DAB1: variants seen among roughly 807,000 people sequenced by gnomAD.
The protein encoded by DAB1 is disabled homolog 1.
DAB1 carries 15 observed loss-of-function variants against 64.6 expected under a neutral mutation model. The ratio of observed to expected loss-of-function variants is 0.23; its 90% CI spans 0.16 to 0.36. The LOEUF (loss-of-function observed/expected upper bound fraction) is 0.36. Among genes scored for constraint, DAB1 ranks in the 10% least tolerant of loss-of-function variants. DAB1 has a pLI of 1.00. For synonymous variants in DAB1, 235 were observed against 251.9 expected (o/e 0.93, Z 0.64); for missense variants, 596 against 706.7 (o/e 0.84, Z 1.78).
intron 3 of DAB1, among the ~76,000 whole-genome samples, chr1:58,385,262 C>A (rs1644423686): frequency 6.6e-6 from 1 of 152,158 alleles, no homozygotes; most frequent in Non-Finnish European, 1.5e-5. Flanking sequence ...CATTATGCCT[C>A]AACAAAGCTA....
intron 7 of DAB1, among the ~76,000 whole-genome samples, chr1:57,580,351 A>C (rs1645298771): frequency 6.6e-6 from 1 of 152,094 alleles, no homozygotes; most frequent in Non-Finnish European, 1.5e-5. Context: ...CTGCCTTACC[A>C]GGCAGCCCCA....
chr1:57,058,728 G>A (rs185676860), intron 9 of DAB1, among the ~76,000 whole-genome samples: 30 of 152,320 alleles, frequency 2.0e-4, no homozygotes, highest in African/African-American at 5.1e-4. Context: ...ACCAAAGACC[G>A]AATAGAGCAA....
chr1:57,174,037 G>C (rs1569739756), intron 2 of DAB1, among the ~76,000 whole-genome samples: 2 of 152,126 alleles, frequency 1.3e-5, no homozygotes, highest in South Asian at 2.1e-4. Context: ...TGCCTGGCAG[G>C]AAACAGCTAC....
At chr1:57,693,543 C>A (rs1439587499) in intron 6 of DAB1, among the ~76,000 whole-genome samples, 1 of 152,084 alleles carries the variant, frequency 6.6e-6, no homozygotes, top group African/African-American at 2.4e-5. Context: ...GTGGGTGGGG[C>A]CAAATAAGGG....
rs182241606 is a variant in DAB1 at position 57,524,082 on chromosome 1, T to C, written n.625+125510A>G. Among the ~76,000 whole-genome samples the C allele has an allele frequency of 2.0e-5, 3 of 151,806 alleles. No homozygotes were observed. In the East Asian group the frequency reaches 5.8e-4, roughly 29 times the overall value. ...GGAAGAAACACCAAAGGCAAAGGAA[T>C]GGCAAGAGGAGAGAAAAGATTTTAA... On this transcript the variant is annotated intron_variant and non_coding_transcript_variant, in intron 7 of 20. Coordinates refer to the DAB1 transcript ENST00000485760.
At chr1:58,150,947 G>T (rs1382595630) in intron 4 of DAB1, among the ~76,000 whole-genome samples, 2 of 152,050 alleles carry the variant, frequency 1.3e-5, no homozygotes, top group African/African-American at 4.8e-5. Context: ...GCGGTATTTG[G>T]TTTTTTGTCC....
intron 2 of DAB1, among the ~76,000 whole-genome samples, chr1:57,263,884 A>T (rs2100566031): frequency 6.6e-6 from 1 of 152,214 alleles, no homozygotes; most frequent in African/African-American, 2.4e-5. Context: ...TGATGGTGAG[A>T]GTCTGACCCC....
intron 5 of DAB1, among the ~76,000 whole-genome samples, chr1:57,923,472 G>A (rs901228730): frequency 6.6e-6 from 1 of 152,100 alleles, no homozygotes; most frequent in Non-Finnish European, 1.5e-5. Context: ...CTGCAGTTAG[G>A]GTTGTAGTCC....
At chr1:58,043,112 T>C (rs1258394868) in intron 5 of DAB1, among the ~76,000 whole-genome samples, 1 of 152,164 alleles carries the variant, frequency 6.6e-6, no homozygotes. Context: ...ATCACCAAAA[T>C]GTTAATGTAT....
intron 7 of DAB1, among the ~76,000 whole-genome samples, chr1:57,555,025 ATTTTTTTTTTTTTT>A (rs34370854): frequency 4.4e-5 from 3 of 68,448 alleles, no homozygotes; most frequent in Non-Finnish European, 7.8e-5. Flanking sequence ...CGGTATCTCT[ATTTTTTTTTTTTTT>A]TTTTTTTTTT....
At chr1:58,094,463 G>C (rs1299762820) in intron 5 of DAB1, among the ~76,000 whole-genome samples, 1 of 152,234 alleles carries the variant, frequency 6.6e-6, no homozygotes, top group African/African-American at 2.4e-5. Context: ...TGATGATGAA[G>C]AGAAAGTGGC....
intron 1 of DAB1, among the ~76,000 whole-genome samples, chr1:57,369,468 C>T (rs1326714629): frequency 6.6e-6 from 1 of 152,026 alleles, no homozygotes; most frequent in Non-Finnish European, 1.5e-5. Context: ...GCCTTTCCAC[C>T]ATGAATATAA....
At chr1:58,197,285 G>A (rs771464267) in intron 4 of DAB1, among the ~76,000 whole-genome samples, 1 of 152,142 alleles carries the variant, frequency 6.6e-6, no homozygotes, top group Non-Finnish European at 1.5e-5. Flanking sequence ...TAGAATAGAA[G>A]ATGGATATAG....
At chr1:58,249,827 C>T (rs1660719788) in intron 4 of DAB1, among the ~76,000 whole-genome samples, 1 of 152,152 alleles carries the variant, frequency 6.6e-6, no homozygotes, top group South Asian at 2.1e-4. Flanking sequence ...GTCGCCCTGG[C>T]GCTCCGGCCA....
chr1:57,658,767 G>T (rs1646348919), intron 6 of DAB1, among the ~76,000 whole-genome samples: 1 of 152,034 alleles, frequency 6.6e-6, no homozygotes. Context: ...ATGAGGTTTT[G>T]CCATGTTGGC....
At chr1:58,314,346 CT>C (rs1662504728) in intron 4 of DAB1, among the ~76,000 whole-genome samples, 1 of 152,106 alleles carries the variant, frequency 6.6e-6, no homozygotes, top group African/African-American at 2.4e-5. Flanking sequence ...TCCTTCAGTC[CT>C]TTTTGGGTCC....
chr1:57,282,546 A>G (rs143561792), intron 2 of DAB1, among the ~76,000 whole-genome samples: 1 of 152,220 alleles, frequency 6.6e-6, no homozygotes, highest in Admixed American at 6.5e-5. Flanking sequence ...TAAGTCACCA[A>G]TTAAACCTGA....
At chr1:58,537,600 G>A (rs1190824571) in intron 1 of DAB1, among the ~76,000 whole-genome samples, 1 of 152,078 alleles carries the variant, frequency 6.6e-6, no homozygotes, top group Non-Finnish European at 1.5e-5. Flanking sequence ...TTTCAATACT[G>A]GGACAAAAAT....
chr1:57,983,621 A>G (rs942854068), intron 5 of DAB1, among the ~76,000 whole-genome samples: 2 of 152,134 alleles, frequency 1.3e-5, no homozygotes, highest in African/African-American at 4.8e-5. Flanking sequence ...ACAAATTAAG[A>G]GTCACTGAGT....
Sources: allele counts gnomAD v4.1 joint callset (sites outside exome capture counted in the v4.1 genomes callset), GRCh38; gene constraint gnomAD v4.1.1; transcripts MANE v1.5; gene names NCBI Gene and HGNC (gene_info 2026-07-23, HGNC 2026-07-21).